Variants in DNASE1 observed in about 807,000 individuals in gnomAD.
The protein encoded by DNASE1 is deoxyribonuclease 1.
DNASE1 carries 40 observed loss-of-function variants against 33.9 expected under a neutral mutation model. That is an observed-to-expected ratio of 1.18 (90% confidence interval 0.92 to 1.54). DNASE1 has a LOEUF of 1.54. Ranked by LOEUF, DNASE1 falls within the 40% of genes most tolerant of loss-of-function variation. The pLI is 0.00. For synonymous variants in DNASE1, 216 were observed against 160.0 expected (o/e 1.35, Z -2.64); for missense variants, 518 against 372.6 (o/e 1.39, Z -3.21).
upstream of DNASE1, among the ~76,000 whole-genome samples, chr16:3,641,481 C>T (rs2151191894): frequency 6.6e-6 from 1 of 152,224 alleles, no homozygotes; most frequent in East Asian, 1.9e-4. Flanking sequence ...GAGTCTGGGG[C>T]AGGGTGAGGG....
intron 1 of DNASE1, among the ~76,000 whole-genome samples, chr16:3,645,906 G>A (rs1243720875): frequency 1.3e-5 from 2 of 152,232 alleles, no homozygotes; most frequent in Non-Finnish European, 2.9e-5. Flanking sequence ...CAGGTTGTGG[G>A]ACATGGGGTT....
chr16:3,627,016 C>T (rs2041534040), intron 1 of DNASE1, among the ~76,000 whole-genome samples: 1 of 151,708 alleles, frequency 6.6e-6, no homozygotes, highest in South Asian at 2.1e-4. Flanking sequence ...GGACCACAGG[C>T]ACATGCCACC....
chr16:3,660,709 TAA>T (rs2151236000), downstream of DNASE1: 1 of 152,252 alleles, frequency 6.6e-6, no homozygotes, highest in East Asian at 1.9e-4. Flanking sequence ...AGTATAATTT[TAA>T]AAGTTATGGT....
chr16:3,664,388 T>C (rs1362790980), exon 10 of DNASE1: 1 of 1,612,696 alleles, frequency 6.2e-7, no homozygotes, highest in South Asian at 1.1e-5. Flanking sequence ...GGCTGGCGTA[T>C]TCTGAGAGGC....
intron 4 of DNASE1, 26 bp downstream of exon 4, chr16:3,656,211 C>G: frequency 6.2e-7 from 1 of 1,610,826 alleles, no homozygotes; most frequent in Non-Finnish European, 8.5e-7. Context: ...AGCCAGGAAG[C>G]CCCTCCCTCA....
rs1268538151 is a variant in DNASE1 at position 3,655,905 on chromosome 16, T to C, written c.204T>C (p.Thr68=). 16 of 1,613,944 alleles carry C rather than the reference T, an allele frequency of 9.9e-6. No homozygotes were observed. Among genetic ancestry groups the C allele is most frequent in the Non-Finnish European group, 1.4e-5 (16 of 1,180,012 alleles). Residue 68 remains threonine, a synonymous_variant, in exon 3 of 9, where the codon ACT becomes ACC. Transcript: ENST00000246949. ...AGGAGGTCAGAGACAGCCACCTGAC[T>C]GCCGTGGGGAAGCTGCTGGACAACC... ...LVQEVRDSHL[T]AVGKLLDNLN...
At chr16:3,621,159 G>T (rs986971216) in intron 1 of DNASE1, among the ~76,000 whole-genome samples, 9 of 151,932 alleles carry the variant, frequency 5.9e-5, no homozygotes, top group African/African-American at 1.7e-4. Context: ...GCAGTGGCAC[G>T]AGCATAGACT....
At chr16:3,663,096 G>A (rs916141495) in exon 10 of DNASE1, 3 of 748,930 alleles carry the variant, frequency 4.0e-6, no homozygotes, top group Admixed American at 5.7e-5. Flanking sequence ...CTAGCAAGAT[G>A]CTTTTCATCT....
At chr16:3,624,449 C>G (rs2041434609) in intron 1 of DNASE1, among the ~76,000 whole-genome samples, 1 of 152,178 alleles carries the variant, frequency 6.6e-6, no homozygotes. Context: ...GTTAGCGTCC[C>G]TTATGCCGAG....
upstream of DNASE1, among the ~76,000 whole-genome samples, chr16:3,638,245 T>G (rs1268271597): frequency 6.6e-6 from 1 of 152,200 alleles, no homozygotes; most frequent in Non-Finnish European, 1.5e-5. Context: ...GCTTTTTAGC[T>G]TAACTGCTTT....
In DNASE1 at chr16:3,644,037, G is replaced by C. The variant is rs535150477; in HGVS notation, c.-86+1001G>C. On this transcript the variant is annotated intron_variant, in intron 1 of 9. Coordinates refer to the DNASE1 transcript ENST00000407479. Reference sequence around the variant, plus strand: ...ATTATAGGCGTCAGCCACCGTGCCCGGCCAAGCACAGCTATTTTAAATAAT... The same window carrying C: ...ATTATAGGCGTCAGCCACCGTGCCCCGCCAAGCACAGCTATTTTAAATAAT... Among the ~76,000 whole-genome samples, 963 of 152,248 alleles carry C rather than the reference G, an allele frequency of 6.3e-3. 8 individuals are homozygous for C. Among genetic ancestry groups the C allele is most frequent in the Non-Finnish European group, 9.9e-3 (673 of 68,028 alleles).
At chr16:3,616,134 C>T (rs957298031) in intron 1 of DNASE1, among the ~76,000 whole-genome samples, 4 of 152,200 alleles carry the variant, frequency 2.6e-5, no homozygotes, top group Admixed American at 1.3e-4. Context: ...AGATGAGTTA[C>T]ACTGCATTTC....
At chr16:3,654,394 G>C (rs184248735), upstream of DNASE1, 57 of 398,728 alleles carry the variant, frequency 1.4e-4, no homozygotes, top group East Asian at 1.4e-3. Flanking sequence ...ACCTGATGGC[G>C]ATGAATCAGG....
At chr16:3,664,407 T>C (rs1357593357) in exon 10 of DNASE1, 1 of 1,611,340 alleles carries the variant, frequency 6.2e-7, no homozygotes, top group Non-Finnish European at 8.5e-7. Flanking sequence ...GCTGGTTAGC[T>C]GCCCGGAGGG....
chr16:3,660,032 G>C (rs948285009), downstream of DNASE1: 2 of 152,274 alleles, frequency 1.3e-5, no homozygotes. Context: ...CAACCTAACA[G>C]AGGAAACACT....
chr16:3,624,096 G>C (rs2041419769), intron 1 of DNASE1, among the ~76,000 whole-genome samples: 1 of 152,004 alleles, frequency 6.6e-6, no homozygotes, highest in Non-Finnish European at 1.5e-5. Flanking sequence ...GGCCAACATG[G>C]TGAAACCCCG....
chr16:3,655,756 T>C (rs2042563044), intron 2 of DNASE1, 93 bp from the exon 3 acceptor site: 3 of 1,518,362 alleles, frequency 2.0e-6, no homozygotes, highest in East Asian at 4.5e-5. Context: ...AACCGAGCAA[T>C]GCCACGAGCA....
downstream of DNASE1, chr16:3,661,876 T>A: frequency 7.4e-7 from 1 of 1,358,452 alleles, no homozygotes; most frequent in East Asian, 2.6e-5. Context: ...TACCCACATG[T>A]CCACAGGCCT....
intron 1 of DNASE1, among the ~76,000 whole-genome samples, chr16:3,621,762 A>G (rs1157183571): frequency 6.6e-6 from 1 of 152,160 alleles, no homozygotes; most frequent in Non-Finnish European, 1.5e-5. Flanking sequence ...GATGGCTTTC[A>G]TTTCCTTCTA....
Sources: allele counts gnomAD v4.1 joint callset (sites outside exome capture counted in the v4.1 genomes callset), GRCh38; gene constraint gnomAD v4.1.1; transcripts MANE v1.5; gene names NCBI Gene and HGNC (gene_info 2026-07-23, HGNC 2026-07-21).